B3GALT1: variants seen among roughly 807,000 people sequenced by gnomAD.
B3GALT1 encodes the protein UDP-Gal:betaGlcNAc beta 1,3-galactosyltransferase, polypeptide 1.
B3GALT1 carries 10 observed loss-of-function variants against 23.2 expected under a neutral mutation model. The ratio of observed to expected loss-of-function variants is 0.43; its 90% CI spans 0.27 to 0.73. The LOEUF (loss-of-function observed/expected upper bound fraction) is 0.73, where lower values mean the gene tolerates loss of function less well. Ranked by LOEUF, B3GALT1 falls within the 30% of genes least tolerant of loss-of-function variation. The pLI is 0.21. For missense variants in B3GALT1, 299 were observed against 405.4 expected, an observed-to-expected ratio of 0.74 and a Z score of 2.25; for synonymous variants, 156 against 141.5, an observed-to-expected ratio of 1.10 and a Z score of -0.73.
intron 3 of B3GALT1, among the ~76,000 whole-genome samples, chr2:167,660,106 A>G (rs1039491276): frequency 5.3e-5 from 8 of 152,114 alleles, no homozygotes; most frequent in African/African-American, 1.7e-4. Flanking sequence ...TTTCATAAAC[A>G]TATCAGGATG....
chr2:167,687,501 AAAG>A (rs1188980169), intron 3 of B3GALT1, among the ~76,000 whole-genome samples: 5 of 152,316 alleles, frequency 3.3e-5, no homozygotes, highest in East Asian at 1.9e-4. Context: ...GGAGGAAAGA[AAAG>A]AAGAAGAGAA....
intron 3 of B3GALT1, among the ~76,000 whole-genome samples, chr2:167,764,185 T>G (rs910207725): frequency 2.6e-5 from 4 of 152,212 alleles, no homozygotes; most frequent in African/African-American, 9.6e-5. Context: ...CCCCGTTCCC[T>G]TCACAAAAGT....
rs570392173 is a variant in B3GALT1, at chr2:167,871,464, C to A, written c.*1444C>A. 1 of 152,308 alleles carries A rather than the reference C, an allele frequency of 6.6e-6. No homozygotes were observed. Among genetic ancestry groups the A allele is most frequent in the African/African-American group, 2.4e-5 (1 of 41,586 alleles). The allele number at this position is 152,308 out of a possible 1,614,324, so 9.4% of individuals were successfully genotyped here. Reference sequence around the variant, plus strand: ...CTGTGAACTATCACTGCACCTAATTCTACCAAGGCTTGACTTTTCCTTGGC... The same window carrying A: ...CTGTGAACTATCACTGCACCTAATTATACCAAGGCTTGACTTTTCCTTGGC... On this transcript the variant is annotated 3_prime_UTR_variant, in exon 5 of 5. Transcript: ENST00000392690.
At chr2:167,559,087 G>A (rs920983563) in intron 2 of B3GALT1, among the ~76,000 whole-genome samples, 8 of 152,164 alleles carry the variant, frequency 5.3e-5, no homozygotes, top group Admixed American at 2.6e-4. Context: ...CACCTCACAC[G>A]GCCGGGTACT....
In B3GALT1 at chr2:167,871,878, TTTTA is replaced by T. The variant is rs1334646968; in HGVS notation, c.*1867_*1870del. ...CCCCACAGCTGAAAGAGTGTACCTT[TTTTA>T]TTTATTTACTTTTTTTTTTTTTTTT... On this transcript the variant is annotated 3_prime_UTR_variant, in exon 5 of 5. Coordinates refer to ENST00000392690, the MANE Select transcript of B3GALT1 (RefSeq NM_020981.4). 6.6e-6 allele frequency: 1 copy of T among 151,012 alleles called. No homozygotes were observed. Among genetic ancestry groups the T allele is most frequent in the African/African-American group, 2.4e-5 (1 of 41,096 alleles). 9.4% of individuals were successfully genotyped at this position (151,012 alleles called of 1,614,324 possible).
At chr2:167,352,293 T>G (rs1271621154) in intron 1 of B3GALT1, among the ~76,000 whole-genome samples, 1 of 145,638 alleles carries the variant, frequency 6.9e-6, no homozygotes, top group Non-Finnish European at 1.5e-5. Context: ...TTTTTTTTTT[T>G]AAGTCCTTCG....
intron 3 of B3GALT1, among the ~76,000 whole-genome samples, chr2:167,655,147 T>C (rs1343264953): frequency 6.6e-6 from 1 of 152,218 alleles, no homozygotes; most frequent in Non-Finnish European, 1.5e-5. Flanking sequence ...ACAAATTCCA[T>C]TTGAATGCAG....
At position 167,720,498 on chromosome 2, in the gene B3GALT1, C is replaced by T. The variant is rs553027675; in HGVS notation, c.-352+73532C>T. ...AAACACCACTTGCATTAAAGTAACA[C>T]GGTCACACAACTTGCAAGATCCATG... On this transcript the variant is annotated intron_variant, in intron 3 of 4. Coordinates refer to ENST00000392690, the MANE Select transcript of B3GALT1 (RefSeq NM_020981.4). Among the ~76,000 whole-genome samples, 5 of 152,260 alleles carry T rather than the reference C, an allele frequency of 3.3e-5. No individual in the cohort carries two copies. In the East Asian group the frequency reaches 5.8e-4, roughly 18 times the overall value.
In B3GALT1 at chr2:167,566,617, T is replaced by C. The variant is rs531799527; in HGVS notation, c.-410+76340T>C. ...CTCCTTATTTGAATGACGTGAGGTT[T>C]AGTGAAGTTATGGAGTTTGCTAATT... On this transcript the variant is annotated intron_variant, in intron 2 of 4. Coordinates refer to ENST00000392690, the MANE Select transcript of B3GALT1 (RefSeq NM_020981.4). Among the ~76,000 whole-genome samples the C allele has an allele frequency of 3.9e-5, 6 of 152,204 alleles. No homozygotes were observed. The East Asian group carries it at 9.6e-4, about 24-fold the overall frequency.
Position 167,795,489 on chromosome 2 carries a change from G to A in B3GALT1, c.-351-23183G>A, listed in dbSNP as rs770122785. On this transcript the variant is annotated intron_variant, in intron 3 of 4. Transcript: ENST00000392690. ...TTGCCTGAAGTCACTAAAATAATCA[G>A]TTATTTTATATCTGCCTTAAAAATA... is the stretch of plus-strand genomic sequence containing the variant. 2.6e-4 allele frequency among the ~76,000 whole-genome samples: 39 copies of A among 152,064 alleles called. 1 individual carries two copies. Among genetic ancestry groups the A allele is most frequent in the Non-Finnish European group, 5.3e-4 (36 of 68,024 alleles).
chr2:167,564,011 C>T (rs1192662397), intron 2 of B3GALT1, among the ~76,000 whole-genome samples: 4 of 149,978 alleles, frequency 2.7e-5, no homozygotes, highest in East Asian at 4.1e-4. Flanking sequence ...CCGACCCTCC[C>T]ACCTCCCTCC....
chr2:167,561,332 A>C (rs1445623180), intron 2 of B3GALT1, among the ~76,000 whole-genome samples: 2 of 152,228 alleles, frequency 1.3e-5, no homozygotes, highest in African/African-American at 4.8e-5. Context: ...TTATAGGACT[A>C]AATGCCCACA....
At chr2:167,590,403 C>G (rs953593204) in intron 2 of B3GALT1, among the ~76,000 whole-genome samples, 1 of 150,562 alleles carries the variant, frequency 6.6e-6, no homozygotes, top group Non-Finnish European at 1.5e-5. Flanking sequence ...GGGCTTAATA[C>G]CTAGGTGATG....
At chr2:167,509,962 T>C (rs1699980620) in intron 2 of B3GALT1, among the ~76,000 whole-genome samples, 1 of 152,062 alleles carries the variant, frequency 6.6e-6, no homozygotes, top group African/African-American at 2.4e-5. Context: ...CAGAGAGAGA[T>C]GAGAATGGTG....
chr2:167,496,001 A>G (rs1699778562), intron 2 of B3GALT1, among the ~76,000 whole-genome samples: 1 of 152,214 alleles, frequency 6.6e-6, no homozygotes, highest in African/African-American at 2.4e-5. Context: ...ATGAAAGTAG[A>G]AGAAAGAAAC....
At chr2:167,388,369 A>G (rs1274363429) in intron 1 of B3GALT1, among the ~76,000 whole-genome samples, 2 of 152,140 alleles carry the variant, frequency 1.3e-5, no homozygotes, top group Admixed American at 1.3e-4. Context: ...GTTAAGACAA[A>G]CCATCTGTTC....
intron 3 of B3GALT1, among the ~76,000 whole-genome samples, chr2:167,775,059 T>A (rs1271836471): frequency 1.3e-5 from 2 of 152,208 alleles, no homozygotes; most frequent in Admixed American, 1.3e-4. Context: ...CATTAAAATG[T>A]TTCTGCCTTT....
intron 2 of B3GALT1, among the ~76,000 whole-genome samples, chr2:167,561,849 G>A (rs899909848): frequency 6.6e-6 from 1 of 152,130 alleles, no homozygotes; most frequent in African/African-American, 2.4e-5. Context: ...AGGACCAGAT[G>A]GATTCACAGC....
At chr2:167,797,039 G>A (rs777228924) in intron 3 of B3GALT1, among the ~76,000 whole-genome samples, 3 of 152,172 alleles carry the variant, frequency 2.0e-5, no homozygotes, top group Admixed American at 6.6e-5. Context: ...AGAGGTAAAC[G>A]TGTGCCATGG....
Sources: allele counts gnomAD v4.1 joint callset (sites outside exome capture counted in the v4.1 genomes callset), GRCh38; gene constraint gnomAD v4.1.1; transcripts MANE v1.5; gene names NCBI Gene and HGNC (gene_info 2026-07-23, HGNC 2026-07-21).